Variants in SMG5 observed in about 807,000 individuals in gnomAD.
SMG5 encodes nonsense-mediated mRNA decay factor SMG5.
In SMG5, 53 loss-of-function variants were observed where a neutral mutation model predicts 122.9. The ratio of observed to expected loss-of-function variants is 0.43; its 90% CI spans 0.35 to 0.54. The LOEUF (loss-of-function observed/expected upper bound fraction) is 0.54, where lower values mean the gene tolerates loss of function less well. Ranked by LOEUF, SMG5 falls within the 20% of genes least tolerant of loss-of-function variation. The pLI is 0.01. For missense variants in SMG5, 1,153 were observed against 1,285.6 expected, an observed-to-expected ratio of 0.90 and a Z score of 1.58; for synonymous variants, 477 against 490.2, an observed-to-expected ratio of 0.97 and a Z score of 0.35.
rs1048010315 is a variant in SMG5, at chr1:156,282,817, G to A, written c.-137C>T. 6 of 866,014 alleles carry A rather than the reference G, an allele frequency of 6.9e-6. No homozygotes were observed. The Admixed American group carries it at 9.2e-5, about 13-fold the overall frequency. The allele number at this position is 866,014 out of a possible 1,614,324, so 53.6% of individuals were successfully genotyped here. ...CGGCCGCCATCGCTGTGAGGCGGCT[G>A]CCCGCGACAGCTCCTCCTCCGCCTG... is the stretch of plus-strand genomic sequence containing the variant. On this transcript the variant is annotated 5_prime_UTR_variant, in exon 1 of 22. Coordinates refer to ENST00000361813, the MANE Select transcript of SMG5 (RefSeq NM_015327.3).
At chr1:156,253,656 C>T (rs1425363838) in intron 16 of SMG5, 148 bp from the exon 17 acceptor site, 2 of 714,286 alleles carry the variant, frequency 2.8e-6, no homozygotes, top group Admixed American at 4.4e-5. Context: ...GGAGGAGAGG[C>T]ATGGAAGAAA....
Position 156,249,569 on chromosome 1 carries a change from C to G in SMG5, c.*1018G>C. ...ATGATCTCTGCTCCCAGATATTCACCTCAACACTCCAAAAGCCAGCCCCTT... is the reference window on the plus strand; with the variant it reads ...ATGATCTCTGCTCCCAGATATTCACGTCAACACTCCAAAAGCCAGCCCCTT... On this transcript the variant is annotated 3_prime_UTR_variant, in exon 22 of 22. Coordinates refer to ENST00000361813, the MANE Select transcript of SMG5 (RefSeq NM_015327.3). 1 of 376,892 alleles carries G rather than the reference C, an allele frequency of 2.7e-6. No homozygotes were observed. Among genetic ancestry groups the G allele is most frequent in the East Asian group, 7.3e-5 (1 of 13,714 alleles). 23.3% of individuals were successfully genotyped at this position (376,892 alleles called of 1,614,324 possible). A position where few individuals can be genotyped will look rare whatever the true frequency, so the allele number is the denominator to read the frequency against.
intron 1 of SMG5, among the ~76,000 whole-genome samples, chr1:156,282,047 A>T (rs1186298595): frequency 2.0e-5 from 3 of 152,192 alleles, no homozygotes; most frequent in African/African-American, 7.2e-5. Flanking sequence ...TGACCCTTCC[A>T]GGCCAAGACT....
chr1:156,251,071 G>A, intron 20 of SMG5, 75 bp from the exon 21 acceptor site: 1 of 1,561,538 alleles, frequency 6.4e-7, no homozygotes, highest in Non-Finnish European at 8.7e-7. Context: ...GATCTCCAGG[G>A]GACAGGGGCA....
Position 156,266,119 on chromosome 1 carries a change from G to A in SMG5, c.1517C>T (p.Thr506Met), listed in dbSNP as rs772301844. The A allele has an allele frequency of 3.5e-5, 56 of 1,614,042 alleles. No individual in the cohort carries two copies. Among genetic ancestry groups the A allele is most frequent in the African/African-American group, 3.2e-4 (24 of 74,910 alleles). The change falls in exon 12 of 22, where the codon ACG becomes ATG. Residue 506 changes from threonine to methionine, a missense_variant. Around this residue, in one of 5 missense-constraint regions of SMG5, gnomAD observed 631 missense variants for 650.6 expected, o/e 0.97. Transcript: ENST00000361813. ...GSDKSLEGGGTAFDAETDSEM... is the reference protein window; with the variant it reads ...GSDKSLEGGGMAFDAETDSEM... ...CGAGTCTGTTTCAGCATCAAAGGCC[G>A]TTCCCCCACCTTCAAGACTCTTGTC...
intron 4 of SMG5, among the ~76,000 whole-genome samples, 172 bp from the exon 5 acceptor site, chr1:156,274,858 C>T (rs1321122817): frequency 6.6e-6 from 1 of 152,138 alleles, no homozygotes; most frequent in African/African-American, 2.4e-5. Context: ...CAGAGGATCA[C>T]AGGTGGCCAT....
chr1:156,273,183 TCCA>T (rs1193198802), intron 6 of SMG5, among the ~76,000 whole-genome samples, 175 bp downstream of exon 6: 1 of 152,186 alleles, frequency 6.6e-6, no homozygotes, highest in Non-Finnish European at 1.5e-5. Context: ...ATCTTCCCCT[TCCA>T]CCATTTTCTG....
upstream of SMG5, chr1:156,286,567 C>T (rs959108568): frequency 1.8e-4 from 230 of 1,299,200 alleles, no homozygotes; most frequent in Non-Finnish European, 2.3e-4. Context: ...AGGAGCTTTC[C>T]GGATTCTACA....
chr1:156,251,532 T>C, intron 19 of SMG5, 55 bp from the exon 20 acceptor site: 1 of 1,582,728 alleles, frequency 6.3e-7, no homozygotes, highest in Non-Finnish European at 8.7e-7. Flanking sequence ...CAGGGTGCCT[T>C]ACACAAAGCA....
the SMG5 span, among the ~76,000 whole-genome samples, chr1:156,288,206 A>T: frequency 6.6e-6 from 1 of 152,042 alleles, no homozygotes; most frequent in Non-Finnish European, 1.5e-5. Context: ...TCAAAAAAAA[A>T]AAAAAAAAAA....
intron 4 of SMG5, 123 bp downstream of exon 4, chr1:156,276,962 G>A: frequency 1.1e-6 from 1 of 911,714 alleles, no homozygotes. Flanking sequence ...TAAACCATTT[G>A]TATGTAGTTC....
In SMG5 at chr1:156,256,304, TTCTC is replaced by T. The variant is rs199942663; in HGVS notation, c.2442+2697_2442+2700del. Among the ~76,000 whole-genome samples the T allele has an allele frequency of 3.4e-3, 443 of 129,146 alleles. 42 individuals carry two copies. The highest frequency in any genetic ancestry group is 0.011 in the Middle Eastern group (3 of 262). The allele number at this position is 129,146 out of a possible 152,430, so 84.7% of individuals were successfully genotyped here. On this transcript the variant is annotated intron_variant, in intron 16 of 21. Transcript: ENST00000361813. ...GGCCAGAGCCTAGGTGAGAGCCATC[TTCTC>T]TCTTTTTTTTTTTTTTTTTTTTTTT...
intron 12 of SMG5, 107 bp downstream of exon 12, chr1:156,265,674 G>C: frequency 1.3e-6 from 2 of 1,497,384 alleles, no homozygotes; most frequent in Non-Finnish European, 1.8e-6. Flanking sequence ...CCAAAGGTAA[G>C]GGTAGAGACG....
At position 156,277,024 on chromosome 1, in the gene SMG5, G is replaced by A. The variant is rs1558245664; in HGVS notation, c.454+61C>T. ...GTCGCAAGCTACATGAACCCTGAGG[G>A]ATAAGGCCAGAGGTAGAAGCATGAG... On this transcript the variant is annotated intron_variant, in intron 4 of 21. Transcript: ENST00000361813. 11 of 1,555,288 alleles carry A rather than the reference G, an allele frequency of 7.1e-6. No individual in the cohort carries two copies. In the East Asian group the frequency reaches 1.8e-4, roughly 26 times the overall value.
intron 13 of SMG5, among the ~76,000 whole-genome samples, chr1:156,262,845 A>AC (rs1553293054): frequency 6.6e-6 from 1 of 152,200 alleles, no homozygotes; most frequent in Non-Finnish European, 1.5e-5. Flanking sequence ...CATTGAATAA[A>AC]TGCCTCTGGG....
chr1:156,283,284 G>A (rs535988484), upstream of SMG5, among the ~76,000 whole-genome samples: 1 of 152,226 alleles, frequency 6.6e-6, no homozygotes, highest in Non-Finnish European at 1.5e-5. Context: ...TAAAGCCCCG[G>A]AAGAAATGAC....
chr1:156,285,372 T>G, upstream of SMG5: 1 of 1,580,650 alleles, frequency 6.3e-7, no homozygotes, highest in East Asian at 2.2e-5. Flanking sequence ...TCCCTCAGAG[T>G]GGGGTCTTCA....
the SMG5 span, chr1:156,290,994 G>A: frequency 4.6e-6 from 1 of 216,586 alleles, no homozygotes; most frequent in African/African-American, 2.3e-5. Context: ...AGTTTGTACA[G>A]CCAGGTGTGG....
intron 6 of SMG5, 119 bp downstream of exon 6, chr1:156,273,238 CGAGA>C: frequency 1.3e-6 from 1 of 754,770 alleles, no homozygotes. Flanking sequence ...AGGTGAAGTA[CGAGA>C]GAGCTGAGAA....
Sources: gnomAD v4.1 joint callset for allele counts (sites outside exome capture counted in the v4.1 genomes callset) on GRCh38, gnomAD v4.1.1 for gene constraint, gnomAD v4.1.1 regional missense constraint, MANE v1.5 for transcripts, NCBI Gene and HGNC (gene_info 2026-07-23, HGNC 2026-07-21) for gene names.